The following MYO5A variants were observed in gnomAD, a reference collection of about 807,000 sequenced individuals.
MYO5A encodes the protein myosin VA, also known as unconventional myosin-Va.
In MYO5A, 98 loss-of-function variants were observed where a neutral mutation model predicts 249.7. The ratio of observed to expected loss-of-function variants is 0.39; its 90% CI spans 0.33 to 0.46. The LOEUF is 0.46. Among genes scored for constraint, MYO5A ranks in the 20% least tolerant of loss-of-function variants. MYO5A has a pLI of 0.98. For synonymous variants in MYO5A, 778 were observed against 810.6 expected (o/e 0.96, Z 0.68); for missense variants, 1,696 against 2,308.8 (o/e 0.73, Z 5.44).
At chr15:52,378,515 C>CAAAAAAGA (rs2041552146) in intron 18 of MYO5A, among the ~76,000 whole-genome samples, 1 of 10,474 alleles carries the variant, frequency 9.5e-5, no homozygotes, top group African/African-American at 1.5e-4. Context: ...AAGACTGTCT[C>CAAAAAAGA]AAAAAAAAAA....
At chr15:52,451,963 C>T (rs67249415) in intron 1 of MYO5A, among the ~76,000 whole-genome samples, 22,439 of 152,080 alleles carry the variant, frequency 0.15, 1,782 homozygotes, top group Middle Eastern at 0.22. Context: ...ATAATAGATG[C>T]CCAGTAATTA....
intron 1 of MYO5A, among the ~76,000 whole-genome samples, chr15:52,436,893 C>G (rs2075675688): frequency 6.6e-6 from 1 of 152,188 alleles, no homozygotes; most frequent in East Asian, 1.9e-4. Flanking sequence ...GGGTTCTACT[C>G]CCAGGGCCAC....
chr15:52,500,305 T>C (rs980521193), intron 1 of MYO5A, among the ~76,000 whole-genome samples: 6 of 152,214 alleles, frequency 3.9e-5, no homozygotes, highest in African/African-American at 1.4e-4. Flanking sequence ...GCCATTTGTA[T>C]ATATTCTTGG....
chr15:52,332,398 C>T (rs113485385), intron 34 of MYO5A, among the ~76,000 whole-genome samples: 3 of 152,172 alleles, frequency 2.0e-5, no homozygotes, highest in Admixed American at 2.0e-4. Context: ...GGAAACACTG[C>T]ATCTCAGAAT....
intron 1 of MYO5A, among the ~76,000 whole-genome samples, chr15:52,480,532 TCCTTGAGGC>T (rs1305093576): frequency 1.3e-5 from 2 of 152,178 alleles, no homozygotes; most frequent in Admixed American, 6.5e-5. Context: ...TGATCCCCGA[TCCTTGAGGC>T]CCTCTCTGGC....
At chr15:52,469,160 A>G (rs1366321985) in intron 1 of MYO5A, among the ~76,000 whole-genome samples, 1 of 152,198 alleles carries the variant, frequency 6.6e-6, no homozygotes, top group Admixed American at 6.5e-5. Context: ...ATAATAATAT[A>G]CAGTTGACCC....
rs548075503 is a variant in MYO5A, at chr15:52,390,560, CTT to C, written c.1543-1199_1543-1198del. Among the ~76,000 whole-genome samples the C allele has an allele frequency of 5.2e-4, 64 of 121,922 alleles. No individual in the cohort carries two copies. The East Asian group carries it at 6.7e-3, about 13-fold the overall frequency. The allele number at this position is 121,922 out of a possible 152,430, so 80.0% of individuals were successfully genotyped here. A position where few individuals can be genotyped will look rare whatever the true frequency, so the allele number is the denominator to read the frequency against. On this transcript the variant is annotated intron_variant, in intron 12 of 41. Transcript: ENST00000399233. ...TATTTCTCCCTCTCTTTTTTTTTTTCTTTTTTTTTTTTTTTTGAGACAGGGTT... is the reference window on the plus strand; with the variant it reads ...TATTTCTCCCTCTCTTTTTTTTTTTCTTTTTTTTTTTTTTGAGACAGGGTT...
intron 1 of MYO5A, among the ~76,000 whole-genome samples, chr15:52,476,591 G>T (rs2076599799): frequency 6.6e-6 from 1 of 152,150 alleles, no homozygotes; most frequent in African/African-American, 2.4e-5. Context: ...AGGCCTGGTG[G>T]TGACAAAATC....
intron 25 of MYO5A, among the ~76,000 whole-genome samples, chr15:52,357,470 A>AAG (rs1243558335): frequency 1.5e-4 from 23 of 150,188 alleles, no homozygotes; most frequent in African/African-American, 5.6e-4. Flanking sequence ...AAAAAAAAAG[A>AAG]AAAAATGTGA....
At chr15:52,473,046 C>T (rs35227055) in intron 1 of MYO5A, among the ~76,000 whole-genome samples, 6 of 152,212 alleles carry the variant, frequency 3.9e-5, no homozygotes, top group East Asian at 3.8e-4. Context: ...ACATTCTCTC[C>T]GGCACCTGTT....
chr15:52,313,799 T>G lies in MYO5A; in HGVS notation c.5540A>C (p.Lys1847Thr). Residue 1847 changes from lysine to threonine, a missense_variant, in exon 42 of 42, where the codon AAA (lysine) becomes ACA (threonine). Lys to Thr is a moderately conservative substitution (Grantham distance 78). Around this residue, in one of 5 missense-constraint regions of MYO5A, gnomAD observed 625 missense variants for 908.1 expected, o/e 0.69. Coordinates refer to ENST00000399233, the MANE Select transcript of MYO5A (RefSeq NM_001382347.1). ...AGGAAAGGTGACAGGAAAGATGTGTTTAGCATCCATGAGCAGCTGGGGAGA... is the reference window on the plus strand; with the variant it reads ...AGGAAAGGTGACAGGAAAGATGTGTGTAGCATCCATGAGCAGCTGGGGAGA... ...KDSPQLLMDA[K>T]HIFPVTFPFN... The G allele has an allele frequency of 1.9e-6, 3 of 1,614,036 alleles. No individual in the cohort carries two copies. Among genetic ancestry groups the G allele is most frequent in the Non-Finnish European group, 2.5e-6 (3 of 1,179,984 alleles).
intron 1 of MYO5A, 127 bp from the exon 2 acceptor site, chr15:52,433,412 ACT>A: frequency 2.8e-6 from 1 of 362,190 alleles, no homozygotes; most frequent in Non-Finnish European, 5.0e-6. Flanking sequence ...CATGAAATTC[ACT>A]TTTTTTTTTT....
chr15:52,378,845 C>T (rs2141118159), intron 18 of MYO5A, among the ~76,000 whole-genome samples: 1 of 152,264 alleles, frequency 6.6e-6, no homozygotes, highest in South Asian at 2.1e-4. Context: ...TTCTTGGGCC[C>T]AACCTCAGAC....
At position 52,410,089 on chromosome 15, in the gene MYO5A, G is replaced by A. The variant is rs17707675; in HGVS notation, c.756+244C>T. Among the ~76,000 whole-genome samples the A allele has an allele frequency of 2.7e-3, 405 of 152,252 alleles. 18 individuals carry two copies. The East Asian group carries it at 0.058, about 22-fold the overall frequency. On this transcript the variant is annotated intron_variant, in intron 6 of 41. Transcript: ENST00000399233. ...CACCTGTTCTCAACTAAGCTTTCCC[G>A]CAAGCACCTGTAGGAAAAAGTCAAA... is the stretch of plus-strand genomic sequence containing the variant.
intron 1 of MYO5A, among the ~76,000 whole-genome samples, chr15:52,451,844 C>T (rs762625020): frequency 2.0e-5 from 3 of 152,180 alleles, no homozygotes; most frequent in African/African-American, 4.8e-5. Flanking sequence ...TCCACTGTTA[C>T]GTTTTCTCAG....
At chr15:52,437,920 A>T in intron 1 of MYO5A, 1 of 503,238 alleles carries the variant, frequency 2.0e-6, no homozygotes, top group Non-Finnish European at 2.6e-6. Flanking sequence ...CAAAAGCAAG[A>T]TATTTAAACA....
intron 1 of MYO5A, among the ~76,000 whole-genome samples, chr15:52,489,257 A>G (rs1019777234): frequency 6.6e-6 from 1 of 152,178 alleles, no homozygotes; most frequent in Non-Finnish European, 1.5e-5. Context: ...AGAAAAAGGT[A>G]AATAAATTTA....
At chr15:52,483,888 A>C (rs766508062) in intron 1 of MYO5A, among the ~76,000 whole-genome samples, 2 of 152,206 alleles carry the variant, frequency 1.3e-5, no homozygotes, top group Non-Finnish European at 2.9e-5. Context: ...GTGGAAATGA[A>C]TCATTCTGAC....
At chr15:52,456,801 A>T (rs572793697) in intron 1 of MYO5A, among the ~76,000 whole-genome samples, 4 of 152,328 alleles carry the variant, frequency 2.6e-5, no homozygotes, top group African/African-American at 9.6e-5. Flanking sequence ...CAGTCTCTCA[A>T]CATACACAAA....
Sources: allele counts gnomAD v4.1 joint callset (sites outside exome capture counted in the v4.1 genomes callset), GRCh38; gene constraint gnomAD v4.1.1; regional missense constraint gnomAD v4.1.1; transcripts MANE v1.5; gene names NCBI Gene and HGNC (gene_info 2026-07-23, HGNC 2026-07-21).